Variants in SMC6 observed in about 807,000 individuals in gnomAD.
SMC6 encodes the protein structural maintenance of chromosomes protein 6.
Under a neutral mutation model 142.2 loss-of-function variants are expected in SMC6, and 79 were observed. The ratio of observed to expected loss-of-function variants is 0.56; its 90% confidence interval spans 0.46 to 0.67. SMC6 has a LOEUF of 0.67. Ranked by LOEUF, SMC6 falls within the 30% of genes least tolerant of loss-of-function variation. SMC6 has a pLI of 0.00. For synonymous variants in SMC6, 411 were observed against 412.4 expected (o/e 1.00, Z 0.04); for missense variants, 1,072 against 1,284.0 (o/e 0.83, Z 2.52).
intron 5 of SMC6, among the ~76,000 whole-genome samples, chr2:17,735,032 G>A (rs1297417826): frequency 6.6e-6 from 1 of 151,876 alleles, no homozygotes; most frequent in Non-Finnish European, 1.5e-5. Context: ...TGCCTGGCCT[G>A]CTATATGAAT....
intron 3 of SMC6, among the ~76,000 whole-genome samples, chr2:17,743,906 T>G (rs948270500): frequency 1.3e-5 from 2 of 152,194 alleles, no homozygotes; most frequent in Non-Finnish European, 2.9e-5. Context: ...CTCTATGTCT[T>G]TTCATGGCTT....
chr2:17,749,683 G>A (rs528037975), intron 2 of SMC6, among the ~76,000 whole-genome samples: 3 of 151,854 alleles, frequency 2.0e-5, no homozygotes, highest in Admixed American at 6.6e-5. Flanking sequence ...GCGATACTCC[G>A]TCTCAAAAAG....
chr2:17,712,579 G>A (rs566928342), intron 16 of SMC6, among the ~76,000 whole-genome samples: 3 of 152,252 alleles, frequency 2.0e-5, no homozygotes, highest in East Asian at 1.9e-4. Flanking sequence ...TACTCCTTAC[G>A]AGCTAGGCAT....
intron 2 of SMC6, among the ~76,000 whole-genome samples, chr2:17,748,447 C>T (rs1415863732): frequency 6.6e-6 from 1 of 152,174 alleles, no homozygotes; most frequent in Non-Finnish European, 1.5e-5. Context: ...GGATATTTAA[C>T]CTAAACAAAT....
chr2:17,721,047 G>T lies in SMC6; in HGVS notation c.847-9C>A. On this transcript the variant is annotated splice_polypyrimidine_tract_variant and intron_variant, in intron 10 of 27. Transcript: ENST00000448223. ...TTTTCAATTTCATTGACCTAAGAAAGAAATTATATAGCAAATTGATCAGAT... is the reference window on the plus strand; with the variant it reads ...TTTTCAATTTCATTGACCTAAGAAATAAATTATATAGCAAATTGATCAGAT... The T allele has an allele frequency of 6.2e-7, 1 of 1,613,142 alleles. No homozygotes were observed. Among genetic ancestry groups the T allele is most frequent in the South Asian group, 1.1e-5 (1 of 90,992 alleles).
intron 5 of SMC6, 36 bp from the exon 6 acceptor site, chr2:17,731,913 T>C: frequency 6.3e-7 from 1 of 1,599,970 alleles, no homozygotes; most frequent in Non-Finnish European, 8.5e-7. Flanking sequence ...TACATGAAGA[T>C]ACAGTGTAAT....
intron 19 of SMC6, among the ~76,000 whole-genome samples, chr2:17,702,778 T>G (rs570614925): frequency 1.7e-4 from 26 of 152,100 alleles, no homozygotes; most frequent in African/African-American, 6.3e-4. Context: ...TTGGCTCTCT[T>G]TCTCTCATGG....
chr2:17,704,627 T>A (rs1200503133), intron 18 of SMC6, among the ~76,000 whole-genome samples: 1 of 152,182 alleles, frequency 6.6e-6, no homozygotes, highest in East Asian at 1.9e-4. Flanking sequence ...CTCCACATTT[T>A]AACATCTCTG....
At chr2:17,715,638 T>C (rs552053869) in intron 15 of SMC6, among the ~76,000 whole-genome samples, 77 of 152,216 alleles carry the variant, frequency 5.1e-4, no homozygotes, top group African/African-American at 1.8e-3. Context: ...TTAAGTACCA[T>C]GTATATGTAA....
chr2:17,670,346 A>T, intron 26 of SMC6, 77 bp downstream of exon 26: 1 of 1,441,420 alleles, frequency 6.9e-7, no homozygotes, highest in Non-Finnish European at 9.4e-7. Flanking sequence ...AAAACTAAAG[A>T]AAGATTTCCT....
At chr2:17,684,413 A>G (rs901811304) in intron 23 of SMC6, among the ~76,000 whole-genome samples, 1 of 152,212 alleles carries the variant, frequency 6.6e-6, no homozygotes, top group South Asian at 2.1e-4. Context: ...CAGCATCCAG[A>G]TATTTATGGG....
intron 19 of SMC6, 100 bp from the exon 20 acceptor site, chr2:17,702,009 C>A: frequency 1.6e-6 from 1 of 636,876 alleles, no homozygotes; most frequent in South Asian, 2.1e-5. Flanking sequence ...AATGATGATA[C>A]AGAAGGATTC....
rs1558358174 is a variant in SMC6 at position 17,716,858 on chromosome 2, A to T, written c.1229T>A (p.Ile410Lys). Residue 410 changes from isoleucine to lysine, a missense_variant, in exon 14 of 28, where the codon ATA (isoleucine) becomes AAA (lysine). Transcript: ENST00000448223. ...CTTTACTCTCTCTTTTAACCAAGAT[A>T]TTTTTTTTTGTCTTTCCAACCGTTC... ...EPERLERQKK[I>K]SWLKERVKAF... 1.9e-6 allele frequency: 3 copies of T among 1,592,014 alleles called. No homozygotes were observed. Among genetic ancestry groups the T allele is most frequent in the Admixed American group, 3.4e-5 (2 of 58,678 alleles).
intron 9 of SMC6, among the ~76,000 whole-genome samples, chr2:17,724,585 G>A (rs1467778739): frequency 2.6e-5 from 4 of 152,120 alleles, no homozygotes; most frequent in Non-Finnish European, 4.4e-5. Context: ...AAAATTTTGA[G>A]GTCTCTGATT....
chr2:17,727,219 T>TATTTCC (rs1426963852), intron 7 of SMC6, among the ~76,000 whole-genome samples: 1 of 152,156 alleles, frequency 6.6e-6, no homozygotes, highest in Non-Finnish European at 1.5e-5. Context: ...AACATTTCAG[T>TATTTCC]CAGTGGGCTG....
At chr2:17,752,248 C>A (rs141391900) in intron 2 of SMC6, among the ~76,000 whole-genome samples, 86 of 152,268 alleles carry the variant, frequency 5.6e-4, no homozygotes, top group African/African-American at 1.9e-3. Context: ...TTGCATATAA[C>A]CTCCCCACAT....
chr2:17,718,770 T>G (rs1470510028), intron 11 of SMC6, among the ~76,000 whole-genome samples: 1 of 152,126 alleles, frequency 6.6e-6, no homozygotes, highest in Non-Finnish European at 1.5e-5. Context: ...GAGCTTAAAT[T>G]GAAAGGATAA....
At position 17,666,563 on chromosome 2, in the gene SMC6, ATT is replaced by A. The variant is rs1394690506; in HGVS notation, c.3064-48_3064-47del. 4.9e-6 allele frequency: 7 copies of A among 1,426,032 alleles called. No homozygotes were observed. In the South Asian group the frequency reaches 8.2e-5, roughly 17 times the overall value. The allele number at this position is 1,426,032 out of a possible 1,614,324, so 88.3% of individuals were successfully genotyped here. A position where few individuals can be genotyped will look rare whatever the true frequency, so the allele number is the denominator to read the frequency against. ...TTAGGATTGCTATTGTGTAAGTCAC[ATT>A]TCTGTAAAAGCAGCATTCTGTGGGC... is the stretch of plus-strand genomic sequence containing the variant. On this transcript the variant is annotated intron_variant, in intron 26 of 27. Transcript: ENST00000448223.
chr2:17,745,975 A>G (rs769316632), intron 2 of SMC6, 24 bp from the exon 3 acceptor site: 15 of 1,565,652 alleles, frequency 9.6e-6, no homozygotes, highest in Non-Finnish European at 1.3e-5. Flanking sequence ...TATAGTAACA[A>G]TGAGGTAAAT....
Sources: gnomAD v4.1 joint callset for allele counts (sites outside exome capture counted in the v4.1 genomes callset) on GRCh38, gnomAD v4.1.1 for gene constraint, MANE v1.5 for transcripts, NCBI Gene and HGNC (gene_info 2026-07-23, HGNC 2026-07-21) for gene names.